The following LRRTM4 variants were observed in gnomAD, a reference collection of about 807,000 sequenced individuals.
The protein encoded by LRRTM4 is leucine rich repeat transmembrane neuronal 4.
Under a neutral mutation model 47.6 loss-of-function variants are expected in LRRTM4, and 25 were observed. The ratio of observed to expected loss-of-function variants is 0.53; its 90% CI spans 0.38 to 0.73. The LOEUF is 0.73. Among genes scored for constraint, LRRTM4 ranks in the 30% least tolerant of loss-of-function variants. The probability of loss-of-function intolerance (pLI) is 0.00; values close to 1 mark genes in which losing one functional copy is unlikely to be tolerated. For synonymous variants in LRRTM4, 311 were observed against 269.5 expected, an observed-to-expected ratio of 1.15 and a Z score of -1.51; for missense variants, 638 against 713.4, an observed-to-expected ratio of 0.89 and a Z score of 1.20.
At position 77,518,345 on chromosome 2, in the gene LRRTM4, A is replaced by G. The variant is rs1679308036; in HGVS notation, c.1524T>C (p.Tyr508=). 1.2e-6 allele frequency: 2 copies of G among 1,611,264 alleles called. No individual in the cohort carries two copies. The highest frequency in any genetic ancestry group is 1.7e-5 in the Admixed American group (1 of 59,698). The change falls in exon 3 of 4, where the codon TAT becomes TAC. Residue 508 remains tyrosine, a synonymous_variant. Coordinates refer to ENST00000409884, the MANE Select transcript of LRRTM4 (RefSeq NM_001134745.3). ...ISVNGSGPCT[Y]TISGSRECEM... is the part of the protein sequence containing the mutation. ...CACATTCCCTGGAGCCAGAGATGGT[A>G]TATGTGCAGGGCCCAGATCCATTAA...
At chr2:77,252,818 T>G (rs1166008196) in intron 3 of LRRTM4, among the ~76,000 whole-genome samples, 1 of 151,986 alleles carries the variant, frequency 6.6e-6, no homozygotes, top group Admixed American at 6.6e-5. Flanking sequence ...CAAGAGAAAT[T>G]TATTCTCTTA....
At chr2:77,286,024 T>C (rs968795793) in intron 3 of LRRTM4, among the ~76,000 whole-genome samples, 7 of 152,108 alleles carry the variant, frequency 4.6e-5, no homozygotes, top group African/African-American at 1.7e-4. Flanking sequence ...CCATATATTT[T>C]AAGGTGTGCT....
At chr2:77,043,835 TAAA>T (rs1359844700) in intron 3 of LRRTM4, among the ~76,000 whole-genome samples, 1 of 151,648 alleles carries the variant, frequency 6.6e-6, no homozygotes, top group Non-Finnish European at 1.5e-5. Context: ...ATATGGCAGA[TAAA>T]AAAATCAATT....
chr2:76,790,527 C>G (rs1471883895), intron 3 of LRRTM4, among the ~76,000 whole-genome samples: 1 of 152,108 alleles, frequency 6.6e-6, no homozygotes, highest in Non-Finnish European at 1.5e-5. Context: ...TCAGAAAGTA[C>G]TTTGGGGTTT....
Position 77,233,587 on chromosome 2 carries a change from CAATT to C in LRRTM4, c.1551+284727_1551+284730del, listed in dbSNP as rs1427022592. Among the ~76,000 whole-genome samples the C allele has an allele frequency of 3.3e-5, 5 of 152,012 alleles. No individual in the cohort carries two copies. In the East Asian group the frequency reaches 9.6e-4, roughly 29 times the overall value. ...TTTATATTTCAAGTTTTCTATATCT[CAATT>C]TATTTACAGTTTGACTACAACATTT... On this transcript the variant is annotated intron_variant, in intron 3 of 3. Coordinates refer to ENST00000409884, the MANE Select transcript of LRRTM4 (RefSeq NM_001134745.3).
intron 3 of LRRTM4, among the ~76,000 whole-genome samples, chr2:77,247,148 G>C (rs1257296457): frequency 6.6e-6 from 1 of 151,994 alleles, no homozygotes. Flanking sequence ...TTTAACAGAA[G>C]TGCAGAAGTG....
In LRRTM4 at chr2:77,086,547, G is replaced by A. The variant is rs541111586; in HGVS notation, c.1552-337631C>T. Among the ~76,000 whole-genome samples, 116 of 148,664 alleles carry A rather than the reference G, an allele frequency of 7.8e-4. 1 individual carries two copies. The highest frequency in any genetic ancestry group is 2.7e-3 in the African/African-American group (110 of 40,166). On this transcript the variant is annotated intron_variant, in intron 3 of 3. Coordinates refer to ENST00000409884, the MANE Select transcript of LRRTM4 (RefSeq NM_001134745.3). Reference sequence around the variant, plus strand: ...GGCTGGAGGGCAATGGCACAGTCTCGGCTCACTGCAACCTCTGCCTCCTGG... The same window carrying A: ...GGCTGGAGGGCAATGGCACAGTCTCAGCTCACTGCAACCTCTGCCTCCTGG...
chr2:77,007,527 G>A lies in LRRTM4; in HGVS notation c.1552-258611C>T, dbSNP rs78594946. On this transcript the variant is annotated intron_variant, in intron 3 of 3. Coordinates refer to ENST00000409884, the MANE Select transcript of LRRTM4 (RefSeq NM_001134745.3). ...CCATTTCCATTCACTGGAGGACCAA[G>A]GAAAAATTAATTACAAGGTCTGAGA... is the stretch of plus-strand genomic sequence containing the variant. Among the ~76,000 whole-genome samples the A allele has an allele frequency of 7.9e-3, 1,208 of 152,230 alleles. 17 individuals are homozygous for A. The highest frequency in any genetic ancestry group is 0.028 in the African/African-American group (1,160 of 41,554).
chr2:76,881,915 TCAGA>T (rs931110386), intron 3 of LRRTM4, among the ~76,000 whole-genome samples: 9 of 152,190 alleles, frequency 5.9e-5, no homozygotes, highest in African/African-American at 2.2e-4. Flanking sequence ...TATTTTTGTG[TCAGA>T]AATACGCTGT....
rs530028361 is a variant in LRRTM4 at position 77,418,805 on chromosome 2, C to T, written c.1551+99513G>A. 4.6e-5 allele frequency among the ~76,000 whole-genome samples: 7 copies of T among 152,282 alleles called. 1 individual carries two copies. The South Asian group carries it at 1.5e-3, about 32-fold the overall frequency. The stretch of plus-strand genomic sequence containing the variant: ...AGTCACTTTGTTAAAAAGATCTTCA[C>T]TATCTATCTTGTTTCAATTTAAACC... On this transcript the variant is annotated intron_variant, in intron 3 of 3. Transcript: ENST00000409884.
At chr2:77,125,893 T>A (rs544204198) in intron 3 of LRRTM4, among the ~76,000 whole-genome samples, 1 of 138,798 alleles carries the variant, frequency 7.2e-6, no homozygotes, top group South Asian at 2.3e-4. Flanking sequence ...TATGTGTAAA[T>A]ATATATGCGT....
intron 3 of LRRTM4, among the ~76,000 whole-genome samples, chr2:77,158,580 T>C (rs1451176791): frequency 6.6e-6 from 1 of 152,162 alleles, no homozygotes; most frequent in African/African-American, 2.4e-5. Flanking sequence ...TACATTTATC[T>C]TACAAATCAA....
At chr2:77,271,036 G>A (rs1676177908) in intron 3 of LRRTM4, among the ~76,000 whole-genome samples, 3 of 152,118 alleles carry the variant, frequency 2.0e-5, no homozygotes, top group South Asian at 2.1e-4. Context: ...GCCTGACTTC[G>A]GTGAAGAGAC....
intron 3 of LRRTM4, among the ~76,000 whole-genome samples, chr2:77,256,937 A>C (rs1675786321): frequency 1.3e-5 from 2 of 152,146 alleles, no homozygotes; most frequent in South Asian, 4.1e-4. Context: ...AAAGATGTAT[A>C]GAACATGACA....
At chr2:76,874,531 G>A (rs913240429) in intron 3 of LRRTM4, among the ~76,000 whole-genome samples, 1 of 151,934 alleles carries the variant, frequency 6.6e-6, no homozygotes, top group African/African-American at 2.4e-5. Context: ...TATATTTTAT[G>A]CTGATTAAAT....
At chr2:77,259,841 T>C (rs573442102) in intron 3 of LRRTM4, among the ~76,000 whole-genome samples, 2 of 152,222 alleles carry the variant, frequency 1.3e-5, no homozygotes, top group South Asian at 2.1e-4. Context: ...ATTCCTTCCA[T>C]ATATAACACC....
In LRRTM4 at chr2:76,979,598, CACA is replaced by C. The variant is rs1249307893; in HGVS notation, c.1552-230685_1552-230683del. 5.2e-5 allele frequency among the ~76,000 whole-genome samples: 7 copies of C among 133,824 alleles called. No individual in the cohort carries two copies. The East Asian group carries it at 8.2e-4, about 16-fold the overall frequency. The allele number at this position is 133,824 out of a possible 152,430, so 87.8% of individuals were successfully genotyped here. ...TATAGAGAGAGGAAGCATAAAAAGG[CACA>C]ACAACAAGGGAACTAGCACGACATT... On this transcript the variant is annotated intron_variant, in intron 3 of 3. Coordinates refer to ENST00000409884, the MANE Select transcript of LRRTM4 (RefSeq NM_001134745.3).
At chr2:76,771,507 C>T (rs1442127442) in intron 3 of LRRTM4, among the ~76,000 whole-genome samples, 1 of 152,062 alleles carries the variant, frequency 6.6e-6, no homozygotes, top group African/African-American at 2.4e-5. Flanking sequence ...CCACTGAGCT[C>T]CCACCACTTT....
chr2:77,009,575 G>C (rs189562137), intron 3 of LRRTM4: 1 of 152,168 alleles, frequency 6.6e-6, no homozygotes, highest in East Asian at 1.9e-4. Flanking sequence ...GACTGTAATT[G>C]ATCCTCTAAT....
Sources: gnomAD v4.1 joint callset for allele counts (sites outside exome capture counted in the v4.1 genomes callset) on GRCh38, gnomAD v4.1.1 for gene constraint, MANE v1.5 for transcripts, NCBI Gene and HGNC (gene_info 2026-07-23, HGNC 2026-07-21) for gene names.